The following SCN11A variants were observed in gnomAD, a reference collection of about 807,000 sequenced individuals.
SCN11A encodes sodium voltage-gated channel alpha subunit 11, also known as sodium channel protein type 11 subunit alpha.
Under a neutral mutation model 162.2 loss-of-function variants are expected in SCN11A, and 122 were observed. The ratio of observed to expected loss-of-function variants is 0.75; its 90% confidence interval spans 0.65 to 0.87. The LOEUF is 0.87. Ranked by LOEUF, SCN11A falls within the 40% of genes least tolerant of loss-of-function variation. The probability of loss-of-function intolerance (pLI) is 0.00; values close to 1 mark genes in which losing one functional copy is unlikely to be tolerated. For missense variants in SCN11A, 2,015 were observed against 2,181.6 expected (o/e 0.92, Z 1.52); for synonymous variants, 758 against 751.5 (o/e 1.01, Z -0.14).
intron 2 of SCN11A, among the ~76,000 whole-genome samples, chr3:39,005,652 A>G (rs1030099785): frequency 2.0e-5 from 3 of 152,192 alleles, no homozygotes; most frequent in African/African-American, 4.8e-5. Flanking sequence ...TAAACTTTCC[A>G]TTAACTTCTA....
chr3:38,920,626 G>A (rs2066033191), intron 10 of SCN11A, among the ~76,000 whole-genome samples: 1 of 151,336 alleles, frequency 6.6e-6, no homozygotes, highest in African/African-American at 2.4e-5. Flanking sequence ...GGGAGGCAGA[G>A]GTTGCAGTGG....
chr3:38,871,607 G>C lies in SCN11A; in HGVS notation c.3597C>G (p.Phe1199Leu). 1 of 1,612,772 alleles carries C rather than the reference G, an allele frequency of 6.2e-7. No homozygotes were observed. Residue 1199 changes from phenylalanine (F) to leucine (L), a missense_variant, in exon 25 of 30, where the codon TTC becomes TTG. Physicochemically the swap from Phe to Leu is conservative, Grantham distance 22. Coordinates refer to ENST00000302328, the MANE Select transcript of SCN11A (RefSeq NM_001349253.2). Reference sequence around the variant, plus strand: ...TGCATTTCCCAAATTTTCCAGAAAAGAAGTATACTCCCAGAATACAAAATA... The same window carrying C: ...TGCATTTCCCAAATTTTCCAGAAAACAAGTATACTCCCAGAATACAAAATA... ...WLVFCILGVY[F>L]FSGKFGKCIN...
Position 38,897,051 on chromosome 3 carries a change from G to A in SCN11A, c.2197C>T (p.Pro733Ser). Residue 733 changes from proline to serine, a missense_variant, in exon 18 of 30, where the codon CCA (proline) becomes TCA (serine). Transcript: ENST00000302328. ...GGGCCTGTCGGGTTACAGAGTTTTGGACTCTTTTGGGAATTGAAGCTACGG... is the reference window on the plus strand; with the variant it reads ...GGGCCTGTCGGGTTACAGAGTTTTGAACTCTTTTGGGAATTGAAGCTACGG... ...FGRSFNSQKS[P>S]KLCNPTGPTV... 6.2e-7 allele frequency: 1 copy of A among 1,614,114 alleles called. No individual in the cohort carries two copies. The highest frequency in any genetic ancestry group is 1.6e-4 in the Middle Eastern group (1 of 6,062).
rs1319288055 is a variant in SCN11A, at chr3:38,963,372, TATATATATATATATGATGGAG to T, written c.-279-2970_-279-2950del. Among the ~76,000 whole-genome samples the T allele has an allele frequency of 2.3e-3, 198 of 85,652 alleles. 1 individual carries two copies. The highest frequency in any genetic ancestry group is 2.7e-3 in the African/African-American group (49 of 17,844). 56.2% of individuals were successfully genotyped at this position (85,652 alleles called of 152,430 possible). On this transcript the variant is annotated intron_variant, in intron 2 of 29. Transcript: ENST00000302328. ...TGATGGATATATATATATATATATA[TATATATATATATATGATGGAG>T]ATATATATATATATATATATATATG...
chr3:38,938,404 AG>A lies in SCN11A; in HGVS notation c.488+7006del, dbSNP rs1320400231. Among the ~76,000 whole-genome samples the A allele has an allele frequency of 3.3e-5, 5 of 150,170 alleles. No individual in the cohort carries two copies. In the East Asian group the frequency reaches 9.7e-4, roughly 29 times the overall value. ...ATAATAATAAAATAAAAAACAAAAA[AG>A]AAGGAAAATGCATGAACTAAACATT... On this transcript the variant is annotated intron_variant, in intron 7 of 29. Transcript: ENST00000302328.
At position 39,032,520 on chromosome 3, in the gene SCN11A, C is replaced by CA. The variant is rs1234829273; in HGVS notation, c.-403-18dup. Among the ~76,000 whole-genome samples the CA allele has an allele frequency of 3.3e-4, 49 of 148,888 alleles. No individual in the cohort carries two copies. The highest frequency in any genetic ancestry group is 3.0e-3 in the Admixed American group (45 of 15,070). ...TGGGACAATCTGAAAACAACAACAACAACAAAAAAAACAAGCTTTATCATT... is the reference window on the plus strand; with the variant it reads ...TGGGACAATCTGAAAACAACAACAACAAACAAAAAAAACAAGCTTTATCATT... On this transcript the variant is annotated splice_polypyrimidine_tract_variant and intron_variant, in intron 1 of 29. Coordinates refer to ENST00000302328, the MANE Select transcript of SCN11A (RefSeq NM_001349253.2).
intron 19 of SCN11A, among the ~76,000 whole-genome samples, chr3:38,890,124 C>T (rs187707739): frequency 1.3e-5 from 2 of 152,260 alleles, no homozygotes; most frequent in Non-Finnish European, 2.9e-5. Flanking sequence ...GAGACTTTAT[C>T]CCAGAAGCGG....
In SCN11A at chr3:38,847,485, C is replaced by T. The variant is rs145599239; in HGVS notation, c.4585G>A (p.Asp1529Asn). 9.9e-6 allele frequency: 16 copies of T among 1,614,032 alleles called. No homozygotes were observed. The highest frequency in any genetic ancestry group is 1.7e-5 in the Admixed American group (1 of 60,008). The change falls in exon 30 of 30, where the codon GAT becomes AAT. Residue 1529 changes from aspartate (D) to asparagine (N), a missense_variant. Transcript: ENST00000302328. The stretch of plus-strand genomic sequence containing the variant: ...AAAGTCTTGAAGTTGAATATGTCAT[C>T]GATTCCAGACTCTGGATTCACTTTG... ...FSKVNPESGI[D>N]DIFNFKTFAS...
rs748165892 is a variant in SCN11A at position 38,847,526 on chromosome 3, C to T, written c.4544G>A (p.Gly1515Asp). 2.5e-6 allele frequency: 4 copies of T among 1,613,934 alleles called. No homozygotes were observed. The highest frequency in any genetic ancestry group is 1.1e-5 in the South Asian group (1 of 91,080). ...ATTCACTTTGGAAAACCAGTTCATA[C>T]CCAGAATGGCATAGATAAACATAAT... ...FLIMFIYAILGMNWFSKVNPE... is the reference protein window; with the variant it reads ...FLIMFIYAILDMNWFSKVNPE... The change falls in exon 30 of 30, where the codon GGT becomes GAT. Residue 1515 changes from glycine to aspartate, a missense_variant. By Grantham distance (94) the Gly-to-Asp change is moderately conservative. Coordinates refer to ENST00000302328, the MANE Select transcript of SCN11A (RefSeq NM_001349253.2).
At chr3:38,897,860 C>G (rs999729529) in intron 17 of SCN11A, among the ~76,000 whole-genome samples, 5 of 152,170 alleles carry the variant, frequency 3.3e-5, no homozygotes, top group African/African-American at 1.2e-4. Flanking sequence ...TCAGCGAACT[C>G]TGGCCTGAGA....
Position 38,910,181 on chromosome 3 carries a change from T to G in SCN11A, c.986A>C (p.Lys329Thr). 1 of 1,613,440 alleles carries G rather than the reference T, an allele frequency of 6.2e-7. No homozygotes were observed. The highest frequency in any genetic ancestry group is 1.1e-5 in the South Asian group (1 of 91,036). The change falls in exon 12 of 30, where the codon AAG (lysine) becomes ACG (threonine). Residue 329 changes from lysine (K) to threonine (T), a missense_variant. Coordinates refer to ENST00000302328, the MANE Select transcript of SCN11A (RefSeq NM_001349253.2). Reference protein sequence around the residue: ...NSACSIQYECKHTKINPDYNY... With the variant: ...NSACSIQYECTHTKINPDYNY... ...ATAGTCAGGATTAATTTTGGTGTGC[T>G]TACATTCATATTGTATGGAACAGGC... is the stretch of plus-strand genomic sequence containing the variant.
chr3:39,010,189 T>C (rs118002118), intron 2 of SCN11A, among the ~76,000 whole-genome samples: 8 of 151,948 alleles, frequency 5.3e-5, no homozygotes, highest in East Asian at 3.9e-4. Context: ...TTTAGAGATA[T>C]GAAAATAAAT....
intron 2 of SCN11A, among the ~76,000 whole-genome samples, chr3:39,001,287 C>T (rs1176703323): frequency 6.6e-6 from 1 of 152,224 alleles, no homozygotes; most frequent in African/African-American, 2.4e-5. Context: ...GATCTCCATT[C>T]TCTCCAGTCC....
At chr3:38,938,508 T>TCATATATATATATACATA (rs1559544767) in intron 7 of SCN11A, among the ~76,000 whole-genome samples, 1 of 71,158 alleles carries the variant, frequency 1.4e-5, no homozygotes, top group African/African-American at 5.6e-5. Flanking sequence ...AGGAAAAATA[T>TCATATATATATATACATA]CATATATATA....
At chr3:38,922,447 T>C (rs76008785) in intron 9 of SCN11A, among the ~76,000 whole-genome samples, 8,390 of 152,266 alleles carry the variant, frequency 0.055, 772 homozygotes, top group African/African-American at 0.19. Flanking sequence ...TCATAAAAGA[T>C]TGTGCCTCAC....
intron 3 of SCN11A, among the ~76,000 whole-genome samples, chr3:38,956,891 C>T (rs1240461819): frequency 2.0e-5 from 3 of 151,984 alleles, no homozygotes; most frequent in Non-Finnish European, 4.4e-5. Flanking sequence ...GTTGGTCAAG[C>T]CATACAAAAA....
rs750182649 is a variant in SCN11A, at chr3:38,894,750, C to T, written c.2618G>A (p.Cys873Tyr). Residue 873 changes from cysteine (C) to tyrosine (Y), a missense_variant, in exon 19 of 30, where the codon TGT (cysteine) becomes TAT (tyrosine). Physicochemically the swap from Cys to Tyr is radical, Grantham distance 194. Coordinates refer to ENST00000302328, the MANE Select transcript of SCN11A (RefSeq NM_001349253.2). ...AATGATGTCTTTGCTTTGTGCAGCA[C>T]AGCCTCCTGCCACCTCTTTTTGCTG... is the stretch of plus-strand genomic sequence containing the variant. ...LPQQKEVAGG[C>Y]AAQSKDIIPL... The T allele has an allele frequency of 3.7e-6, 6 of 1,614,092 alleles. No individual in the cohort carries two copies. In the African/African-American group the frequency reaches 6.7e-5, roughly 18 times the overall value.
At chr3:38,987,758 T>C (rs545852069) in intron 2 of SCN11A, among the ~76,000 whole-genome samples, 2 of 152,296 alleles carry the variant, frequency 1.3e-5, no homozygotes, top group Admixed American at 1.3e-4. Context: ...GGCTGCTCTC[T>C]CAGGGAGCCA....
chr3:38,862,341 A>G (rs1197847285), intron 28 of SCN11A, among the ~76,000 whole-genome samples: 1 of 152,188 alleles, frequency 6.6e-6, no homozygotes, highest in African/African-American at 2.4e-5. Context: ...AATTCCTTAA[A>G]GATCCAAAAG....
Sources: allele counts gnomAD v4.1 joint callset (sites outside exome capture counted in the v4.1 genomes callset), GRCh38; gene constraint gnomAD v4.1.1; transcripts MANE v1.5; gene names NCBI Gene and HGNC (gene_info 2026-07-23, HGNC 2026-07-21).